The following SYNJ2BP variants were observed in gnomAD, a reference collection of about 807,000 sequenced individuals.
SYNJ2BP encodes synaptojanin-2-binding protein.
SYNJ2BP carries 10 observed loss-of-function variants against 16.9 expected under a neutral mutation model. The ratio of observed to expected loss-of-function variants is 0.59; its 90% CI spans 0.36 to 1.00. SYNJ2BP has a LOEUF of 1.00. SYNJ2BP is among the 50% of genes least tolerant of loss of function. The pLI is 0.01. For synonymous variants in SYNJ2BP, 54 were observed against 68.4 expected (o/e 0.79, Z 1.04); for missense variants, 162 against 186.7 (o/e 0.87, Z 0.77).
At chr14:70,394,997 G>A (rs1566620454) in intron 1 of SYNJ2BP, among the ~76,000 whole-genome samples, 1 of 152,132 alleles carries the variant, frequency 6.6e-6, no homozygotes. Context: ...ATACATCTTT[G>A]CAGAAAATAT....
chr14:70,390,647 G>T (rs1362191132), intron 1 of SYNJ2BP, among the ~76,000 whole-genome samples: 1 of 150,032 alleles, frequency 6.7e-6, no homozygotes, highest in East Asian at 2.0e-4. Context: ...CAGCCTGGGC[G>T]ACAGAGCAAG....
Position 70,366,975 on chromosome 14 carries a change from C to A in SYNJ2BP, c.*6016G>T, listed in dbSNP as rs1171436271. 2 of 152,142 alleles carry A rather than the reference C, an allele frequency of 1.3e-5. No homozygotes were observed. Among genetic ancestry groups the A allele is most frequent in the African/African-American group, 2.4e-5 (1 of 41,436 alleles). 9.4% of individuals were successfully genotyped at this position (152,142 alleles called of 1,614,324 possible). On this transcript the variant is annotated 3_prime_UTR_variant, in exon 4 of 4. Coordinates refer to ENST00000256366, the MANE Select transcript of SYNJ2BP (RefSeq NM_018373.3). ...CTACAAACTAGGAGGAAGGACTAAC[C>A]CTTTTCCTGGGATTAGTAACTAAAT...
chr14:70,395,503 C>G lies in SYNJ2BP; in HGVS notation c.65-6897G>C, dbSNP rs189843741. ...CCCCCCTGTCTGTCTTTTATGAAGA[C>G]TAGAGTAACAAACACCCTATTTTCC... On this transcript the variant is annotated intron_variant, in intron 1 of 3. Coordinates refer to ENST00000256366, the MANE Select transcript of SYNJ2BP (RefSeq NM_018373.3). Among the ~76,000 whole-genome samples, 21 of 152,046 alleles carry G rather than the reference C, an allele frequency of 1.4e-4. No individual in the cohort carries two copies. In the South Asian group the frequency reaches 4.2e-3, roughly 30 times the overall value.
chr14:70,396,317 C>CT, intron 1 of SYNJ2BP, among the ~76,000 whole-genome samples: 1 of 152,132 alleles, frequency 6.6e-6, no homozygotes, highest in Non-Finnish European at 1.5e-5. Flanking sequence ...CAGGGTTTCA[C>CT]CATGTTAGCC....
In SYNJ2BP at chr14:70,395,594, A is replaced by ACAACCC. The variant is rs1437623703; in HGVS notation, c.65-6994_65-6989dup. Among the ~76,000 whole-genome samples, 3 of 152,214 alleles carry ACAACCC rather than the reference A, an allele frequency of 2.0e-5. No individual in the cohort carries two copies. The East Asian group carries it at 5.8e-4, about 29-fold the overall frequency. On this transcript the variant is annotated intron_variant, in intron 1 of 3. Transcript: ENST00000256366. Reference sequence around the variant, plus strand: ...ACATCAATCAAACTCCATTGGATACACAACCCCCCTGTCTGTCTTTATCTA... The same window carrying ACAACCC: ...ACATCAATCAAACTCCATTGGATACACAACCCCAACCCCCCTGTCTGTCTTTATCTA...
At chr14:70,396,598 A>G (rs116247669) in intron 1 of SYNJ2BP, among the ~76,000 whole-genome samples, 9 of 30,666 alleles carry the variant, frequency 2.9e-4, no homozygotes, top group Non-Finnish European at 3.4e-4. Flanking sequence ...GTATGTGTGT[A>G]TATGTATGTA....
intron 1 of SYNJ2BP, among the ~76,000 whole-genome samples, chr14:70,412,631 A>ATATATACAGTATAT (rs1235982664): frequency 6.9e-4 from 103 of 149,194 alleles, no homozygotes; most frequent in Middle Eastern, 7.1e-3. Context: ...TATATATAGT[A>ATATATACAGTATAT]ACTAGCACAC....
intron 1 of SYNJ2BP, among the ~76,000 whole-genome samples, chr14:70,405,258 C>T (rs575311912): frequency 6.0e-5 from 9 of 150,798 alleles, no homozygotes; most frequent in Non-Finnish European, 1.0e-4. Flanking sequence ...AGAATGTCTA[C>T]GGAAAAAAAT....
chr14:70,385,036 A>C (rs1189484425), intron 2 of SYNJ2BP, among the ~76,000 whole-genome samples: 1 of 152,150 alleles, frequency 6.6e-6, no homozygotes, highest in Non-Finnish European at 1.5e-5. Context: ...ATTCCTTGTA[A>C]CATATCTTTG....
intron 2 of SYNJ2BP, among the ~76,000 whole-genome samples, chr14:70,386,358 G>A (rs1887858849): frequency 6.6e-6 from 1 of 152,100 alleles, no homozygotes; most frequent in African/African-American, 2.4e-5. Flanking sequence ...TAATAAACAG[G>A]GTCTAGGAGA....
At chr14:70,415,139 G>C (rs1888573794) in intron 1 of SYNJ2BP, among the ~76,000 whole-genome samples, 1 of 148,390 alleles carries the variant, frequency 6.7e-6, no homozygotes, top group African/African-American at 2.5e-5. Context: ...AGGAGTTCAA[G>C]ACCAGCCTGG....
At chr14:70,405,471 A>T (rs1054505712) in intron 1 of SYNJ2BP, among the ~76,000 whole-genome samples, 2 of 152,072 alleles carry the variant, frequency 1.3e-5, no homozygotes, top group Non-Finnish European at 2.9e-5. Flanking sequence ...AATCTTATGA[A>T]TTTTGTGAGT....
intron 1 of SYNJ2BP, among the ~76,000 whole-genome samples, chr14:70,404,277 G>A (rs1888302601): frequency 6.6e-6 from 1 of 152,148 alleles, no homozygotes; most frequent in Non-Finnish European, 1.5e-5. Context: ...GCAAGACCCT[G>A]TCTTAAAGAC....
At position 70,410,367 on chromosome 14, in the gene SYNJ2BP, T is replaced by C. The variant is rs576470000; in HGVS notation, c.64+6533A>G. Among the ~76,000 whole-genome samples, 280 of 152,328 alleles carry C rather than the reference T, an allele frequency of 1.8e-3. 1 individual carries two copies. The highest frequency in any genetic ancestry group is 6.5e-3 in the African/African-American group (271 of 41,578). On this transcript the variant is annotated intron_variant, in intron 1 of 3. Transcript: ENST00000256366. The stretch of plus-strand genomic sequence containing the variant: ...TGTACTCAGGAGGTCAAGGCTGCAG[T>C]GAGCCAAGATCGTGCCACTGCACTC...
intron 2 of SYNJ2BP, among the ~76,000 whole-genome samples, chr14:70,384,709 T>C (rs964330436): frequency 6.6e-6 from 1 of 151,118 alleles, no homozygotes; most frequent in East Asian, 1.9e-4. Context: ...CACTTCCCCC[T>C]ACTCTCTCTC....
At chr14:70,393,314 G>A (rs954278337) in intron 1 of SYNJ2BP, among the ~76,000 whole-genome samples, 1 of 152,190 alleles carries the variant, frequency 6.6e-6, no homozygotes, top group Non-Finnish European at 1.5e-5. Context: ...AGATGCTGGC[G>A]AGGATGTGGA....
chr14:70,373,574 A>C (rs1887563715), intron 3 of SYNJ2BP, among the ~76,000 whole-genome samples: 1 of 152,190 alleles, frequency 6.6e-6, no homozygotes, highest in African/African-American at 2.4e-5. Context: ...AGATGTGGGC[A>C]ATGTCAACAT....
intron 1 of SYNJ2BP, among the ~76,000 whole-genome samples, chr14:70,393,295 G>A (rs1368098899): frequency 6.6e-6 from 1 of 152,198 alleles, no homozygotes; most frequent in Non-Finnish European, 1.5e-5. Flanking sequence ...TAAAAAGTCT[G>A]GAAACAACAG....
intron 2 of SYNJ2BP, among the ~76,000 whole-genome samples, chr14:70,377,293 A>G (rs1887652251): frequency 6.6e-6 from 1 of 152,154 alleles, no homozygotes; most frequent in African/African-American, 2.4e-5. Flanking sequence ...ATCTTCTGCC[A>G]TCTTTCCAGT....
Sources: allele counts gnomAD v4.1 joint callset (sites outside exome capture counted in the v4.1 genomes callset), GRCh38; gene constraint gnomAD v4.1.1; transcripts MANE v1.5; gene names NCBI Gene and HGNC (gene_info 2026-07-23, HGNC 2026-07-21).